Variants in ALK observed in about 807,000 individuals in gnomAD.
ALK encodes ALK receptor tyrosine kinase.
A neutral mutation model predicts 163.1 loss-of-function variants in ALK; 74 were observed. The observed-to-expected ratio is 0.45, with a 90% CI of 0.38 to 0.55. The LOEUF (loss-of-function observed/expected upper bound fraction) is 0.55. Among genes scored for constraint, ALK ranks in the 20% least tolerant of loss-of-function variants. The pLI is 0.00. For synonymous variants in ALK, 960 were observed against 843.2 expected, an observed-to-expected ratio of 1.14 and a Z score of -2.40; for missense variants, 2,063 against 2,105.3, an observed-to-expected ratio of 0.98 and a Z score of 0.39.
At chr2:29,494,929 G>A (rs890463212) in intron 4 of ALK, among the ~76,000 whole-genome samples, 1 of 151,758 alleles carries the variant, frequency 6.6e-6, no homozygotes, top group Non-Finnish European at 1.5e-5. Context: ...TTAGACCTCA[G>A]AAGGGACTAT....
intron 4 of ALK, among the ~76,000 whole-genome samples, chr2:29,397,318 G>A (rs1453592715): frequency 6.6e-6 from 1 of 152,132 alleles, no homozygotes; most frequent in Non-Finnish European, 1.5e-5. Context: ...TTAGGGTGAT[G>A]TATACCAAGG....
intron 1 of ALK, among the ~76,000 whole-genome samples, chr2:29,820,493 G>A (rs944268516): frequency 6.6e-6 from 1 of 152,146 alleles, no homozygotes; most frequent in Non-Finnish European, 1.5e-5. Context: ...TAAGTTTTGG[G>A]GGAATTTGTT....
chr2:29,258,964 A>C (rs1665017461), intron 11 of ALK, among the ~76,000 whole-genome samples: 1 of 152,220 alleles, frequency 6.6e-6, no homozygotes, highest in African/African-American at 2.4e-5. Flanking sequence ...TATGTATATC[A>C]GTATAAACAT....
At chr2:29,566,193 C>T (rs759043360) in intron 3 of ALK, among the ~76,000 whole-genome samples, 45 of 152,192 alleles carry the variant, frequency 3.0e-4, no homozygotes, top group Non-Finnish European at 6.0e-4. Flanking sequence ...TTCGCGAGGG[C>T]CATTCACCAT....
chr2:29,551,746 A>G (rs1673719961), intron 3 of ALK, among the ~76,000 whole-genome samples: 1 of 152,158 alleles, frequency 6.6e-6, no homozygotes, highest in Non-Finnish European at 1.5e-5. Context: ...GAGAAAATTC[A>G]CCAAAATGTA....
intron 3 of ALK, among the ~76,000 whole-genome samples, chr2:29,646,255 T>C (rs547668858): frequency 3.5e-4 from 54 of 152,278 alleles, no homozygotes; most frequent in Non-Finnish European, 6.2e-4. Context: ...TTTCCTCTCT[T>C]TCTCTCACAT....
At position 29,246,986 on chromosome 2, in the gene ALK, G is replaced by A. The variant is rs1307337501; in HGVS notation, c.2204+4119C>T. Reference sequence around the variant, plus strand: ...TGCCCGACTTCTCATCGGCAGTACCGACTTCTTGTGCTCACCGCAGGCTCT... The same window carrying A: ...TGCCCGACTTCTCATCGGCAGTACCAACTTCTTGTGCTCACCGCAGGCTCT... On this transcript the variant is annotated intron_variant, in intron 12 of 28. Transcript: ENST00000389048. This position sits in a 1 kb window ranked among gnomAD's most constrained non-coding sequence, Gnocchi z 4.3. Among the ~76,000 whole-genome samples the A allele has an allele frequency of 2.6e-5, 4 of 152,172 alleles. No homozygotes were observed. The highest frequency in any genetic ancestry group is 1.9e-4 in the East Asian group (1 of 5,176).
Position 29,585,968 on chromosome 2 carries a change from T to C in ALK, c.953-53852A>G, listed in dbSNP as rs114986057. Among the ~76,000 whole-genome samples the C allele has an allele frequency of 6.4e-3, 970 of 152,274 alleles. 13 individuals are homozygous for C. Among genetic ancestry groups the C allele is most frequent in the African/African-American group, 0.022 (914 of 41,548 alleles). ...ACATTTTTAATACTTTTGATGAATA[T>C]TATACAACTGCTTTACAGTTGTAAA... On this transcript the variant is annotated intron_variant, in intron 3 of 28. Coordinates refer to ENST00000389048, the MANE Select transcript of ALK (RefSeq NM_004304.5).
At chr2:29,506,732 C>G (rs1196049172) in intron 4 of ALK, among the ~76,000 whole-genome samples, 1 of 145,980 alleles carries the variant, frequency 6.9e-6, no homozygotes, top group Non-Finnish European at 1.5e-5. Context: ...GGTGACGGAG[C>G]AAGACTCCGT....
intron 4 of ALK, among the ~76,000 whole-genome samples, chr2:29,510,998 GC>G (rs1296408634): frequency 2.0e-5 from 3 of 152,054 alleles, no homozygotes; most frequent in South Asian, 2.1e-4. Flanking sequence ...TCTCTCACTA[GC>G]CCTTCACCCT....
chr2:29,278,517 G>T (rs1665602850), intron 9 of ALK, among the ~76,000 whole-genome samples: 1 of 152,108 alleles, frequency 6.6e-6, no homozygotes, highest in Non-Finnish European at 1.5e-5. Context: ...ACAAATCTTG[G>T]CAAGGTTATA....
intron 5 of ALK, among the ~76,000 whole-genome samples, chr2:29,358,389 A>T (rs979721671): frequency 2.0e-5 from 3 of 152,266 alleles, no homozygotes; most frequent in African/African-American, 2.4e-5. Flanking sequence ...AGAAAACATC[A>T]GGTAGAAGTA....
At chr2:29,869,071 C>A (rs1236959536) in intron 1 of ALK, among the ~76,000 whole-genome samples, 2 of 152,174 alleles carry the variant, frequency 1.3e-5, no homozygotes, top group Non-Finnish European at 1.5e-5. Flanking sequence ...GCCATTAAGT[C>A]ACCCCCAGCT....
intron 1 of ALK, among the ~76,000 whole-genome samples, chr2:29,723,276 G>C (rs890182747): frequency 6.6e-6 from 1 of 152,132 alleles, no homozygotes; most frequent in Non-Finnish European, 1.5e-5. Context: ...CAGGGCCTTT[G>C]CACTGGCAGT....
intron 1 of ALK, among the ~76,000 whole-genome samples, chr2:29,883,646 G>A (rs1438980513): frequency 6.6e-6 from 1 of 152,186 alleles, no homozygotes; most frequent in Non-Finnish European, 1.5e-5. Flanking sequence ...AGATTCAGTG[G>A]GGTAAAAACT....
Position 29,622,319 on chromosome 2 carries a change from T to C in ALK, c.952+72531A>G, listed in dbSNP as rs190612168. On this transcript the variant is annotated intron_variant, in intron 3 of 28. Transcript: ENST00000389048. ...AAAGAGGTTTAATTGGACTTACAGT[T>C]CCACATGGCTCGTGAGGCCTCAGAA... 7.1e-3 allele frequency among the ~76,000 whole-genome samples: 1,078 copies of C among 152,232 alleles called. 12 individuals carry two copies. The highest frequency in any genetic ancestry group is 0.047 in the South Asian group (224 of 4,806).
At chr2:29,235,580 C>G (rs1664352548) in intron 13 of ALK, among the ~76,000 whole-genome samples, 1 of 152,124 alleles carries the variant, frequency 6.6e-6, no homozygotes, top group African/African-American at 2.4e-5. Context: ...ACCCTGCTCA[C>G]TGCCACCTGG....
chr2:29,222,468 TAC>T, intron 21 of ALK, 47 bp downstream of exon 21: 1 of 1,613,096 alleles, frequency 6.2e-7, no homozygotes, highest in Non-Finnish European at 8.5e-7. Flanking sequence ...AACTGCAGCC[TAC>T]AGAGTCCGCA....
intron 4 of ALK, among the ~76,000 whole-genome samples, chr2:29,482,953 C>T (rs1671697786): frequency 6.6e-6 from 1 of 152,122 alleles, no homozygotes; most frequent in Non-Finnish European, 1.5e-5. Flanking sequence ...TACAGCCCTG[C>T]CTTGGATCTG....
Sources: gnomAD v4.1 joint callset for allele counts (sites outside exome capture counted in the v4.1 genomes callset) on GRCh38, gnomAD v4.1.1 for gene constraint, Gnocchi (gnomAD v3.1) non-coding constraint, MANE v1.5 for transcripts, NCBI Gene and HGNC (gene_info 2026-07-23, HGNC 2026-07-21) for gene names.